The following PRKN variants were observed in gnomAD, a reference collection of about 807,000 sequenced individuals.
PRKN encodes E3 ubiquitin-protein ligase parkin.
A neutral mutation model predicts 59.5 loss-of-function variants in PRKN; 56 were observed. That is an observed-to-expected ratio of 0.94 (90% CI 0.76 to 1.18). The LOEUF is 1.18. Among genes scored for constraint, PRKN ranks in the 50% most tolerant of loss-of-function variants. The pLI is 0.00. For missense variants in PRKN, 657 were observed against 596.4 expected (o/e 1.10, Z -1.06); for synonymous variants, 250 against 222.1 (o/e 1.13, Z -1.12).
chr6:161,872,373 AC>A (rs1794375920), intron 6 of PRKN, among the ~76,000 whole-genome samples: 1 of 152,118 alleles, frequency 6.6e-6, no homozygotes, highest in South Asian at 2.1e-4. Context: ...AGCATTTAAT[AC>A]CTCTAGGGAT....
At chr6:161,894,915 C>T (rs1777555662) in intron 6 of PRKN, among the ~76,000 whole-genome samples, 1 of 152,116 alleles carries the variant, frequency 6.6e-6, no homozygotes, top group East Asian at 1.9e-4. Flanking sequence ...TGTGCTTATT[C>T]CACCAATGCT....
chr6:161,765,885 T>A (rs1261024187), intron 7 of PRKN, among the ~76,000 whole-genome samples: 1 of 152,196 alleles, frequency 6.6e-6, no homozygotes, highest in Non-Finnish European at 1.5e-5. Flanking sequence ...ATGTTCAAAT[T>A]AAAATAGGGA....
At chr6:162,044,386 G>A (rs1784176871) in intron 5 of PRKN, among the ~76,000 whole-genome samples, 1 of 152,132 alleles carries the variant, frequency 6.6e-6, no homozygotes, top group South Asian at 2.1e-4. Context: ...GCTGCCACGG[G>A]GCTCCTGCAG....
chr6:161,723,133 A>T (rs62439165), intron 7 of PRKN, among the ~76,000 whole-genome samples: 71,150 of 151,108 alleles, frequency 0.47, 18,276 homozygotes, highest in African/African-American at 0.69. Context: ...CTGAGTGTGG[A>T]GGTGAGTGCC....
intron 2 of PRKN, among the ~76,000 whole-genome samples, chr6:162,297,503 T>C (rs1583333784): frequency 6.6e-6 from 1 of 152,126 alleles, no homozygotes; most frequent in Admixed American, 6.5e-5. Context: ...GTGAAAAGAA[T>C]AGATGTGACA....
At chr6:162,445,452 CA>C (rs1790261768) in intron 1 of PRKN, among the ~76,000 whole-genome samples, 1 of 151,930 alleles carries the variant, frequency 6.6e-6, no homozygotes. Flanking sequence ...TTTGGGAGGC[CA>C]AGGGGCAAGG....
At chr6:161,929,199 A>G (rs781429967) in intron 6 of PRKN, among the ~76,000 whole-genome samples, 3 of 152,218 alleles carry the variant, frequency 2.0e-5, no homozygotes, top group Non-Finnish European at 2.9e-5. Flanking sequence ...ACATTATGCT[A>G]AATGAAAAAA....
At position 161,880,870 on chromosome 6, in the gene PRKN, C is replaced by G. The variant is rs1794909154; in HGVS notation, c.734+92432G>C. Among the ~76,000 whole-genome samples the G allele has an allele frequency of 2.0e-5, 3 of 152,168 alleles. No homozygotes were observed. In the South Asian group the frequency reaches 6.2e-4, roughly 32 times the overall value. ...GTTCTGAAAAAGCACCCAAGAACCCCTTTAGATTCCGCCAGCACGTTCAGG... is the reference window on the plus strand; with the variant it reads ...GTTCTGAAAAAGCACCCAAGAACCCGTTTAGATTCCGCCAGCACGTTCAGG... On this transcript the variant is annotated intron_variant, in intron 6 of 11. Coordinates refer to ENST00000366898, the MANE Select transcript of PRKN (RefSeq NM_004562.3).
intron 9 of PRKN, among the ~76,000 whole-genome samples, chr6:161,415,740 G>C (rs1056956119): frequency 6.6e-6 from 1 of 151,678 alleles, no homozygotes. Flanking sequence ...AGTCAGAGCA[G>C]GACTTCAGAT....
chr6:162,532,192 C>T (rs947293396), intron 1 of PRKN, among the ~76,000 whole-genome samples: 1 of 152,218 alleles, frequency 6.6e-6, no homozygotes, highest in Non-Finnish European at 1.5e-5. Context: ...CCAAGTATGT[C>T]CCTAGACTCC....
intron 6 of PRKN, among the ~76,000 whole-genome samples, chr6:161,800,793 A>G (rs1024225563): frequency 6.6e-6 from 1 of 152,218 alleles, no homozygotes; most frequent in Non-Finnish European, 1.5e-5. Context: ...CCAGAGTCAG[A>G]AAGGGGATTC....
chr6:161,829,453 T>C (rs940198898), intron 6 of PRKN, among the ~76,000 whole-genome samples: 1 of 152,182 alleles, frequency 6.6e-6, no homozygotes, highest in African/African-American at 2.4e-5. Context: ...TTGGCGGTTT[T>C]CACTGATCTT....
At chr6:161,626,692 T>C (rs576944083) in intron 7 of PRKN, among the ~76,000 whole-genome samples, 1 of 152,188 alleles carries the variant, frequency 6.6e-6, no homozygotes, top group Non-Finnish European at 1.5e-5. Context: ...ACAAATGCAC[T>C]CAGACACAGA....
intron 2 of PRKN, among the ~76,000 whole-genome samples, chr6:162,370,166 G>A (rs4709601): frequency 0.35 from 53,560 of 151,950 alleles, 9,872 homozygotes; most frequent in East Asian, 0.64. Context: ...TGATGTGATC[G>A]TCAGCTCTTG....
At chr6:162,005,642 C>T (rs748596049) in intron 5 of PRKN, among the ~76,000 whole-genome samples, 46 of 152,166 alleles carry the variant, frequency 3.0e-4, no homozygotes, top group African/African-American at 7.9e-4. Context: ...GAGAATGCCT[C>T]GGGCTAGAGA....
chr6:162,497,947 G>T (rs1793143656), intron 1 of PRKN, among the ~76,000 whole-genome samples: 1 of 152,070 alleles, frequency 6.6e-6, no homozygotes, highest in African/African-American at 2.4e-5. Flanking sequence ...TGTTTGAAGT[G>T]GTGGATATTC....
At chr6:161,616,587 G>C (rs959798267) in intron 7 of PRKN, among the ~76,000 whole-genome samples, 6 of 151,800 alleles carry the variant, frequency 4.0e-5, no homozygotes, top group African/African-American at 1.2e-4. Context: ...ACGGGCCCCA[G>C]TGTGTGATGT....
At chr6:161,531,028 T>G (rs1779185864) in intron 9 of PRKN, among the ~76,000 whole-genome samples, 1 of 152,234 alleles carries the variant, frequency 6.6e-6, no homozygotes, top group Non-Finnish European at 1.5e-5. Context: ...CATCTGATAA[T>G]AATGTTTATT....
intron 6 of PRKN, among the ~76,000 whole-genome samples, chr6:161,840,930 A>G (rs1396786383): frequency 6.6e-6 from 1 of 152,128 alleles, no homozygotes; most frequent in African/African-American, 2.4e-5. Context: ...GATGCTGGTG[A>G]GACTATGGAG....
Sources: allele counts gnomAD v4.1 joint callset (sites outside exome capture counted in the v4.1 genomes callset), GRCh38; gene constraint gnomAD v4.1.1; transcripts MANE v1.5; gene names NCBI Gene and HGNC (gene_info 2026-07-23, HGNC 2026-07-21).